The following EFNB3 variants were observed in gnomAD, a reference collection of about 807,000 sequenced individuals.
EFNB3 encodes the protein ephrin B3.
Under a neutral mutation model 29.8 loss-of-function variants are expected in EFNB3, and 14 were observed. That is an observed-to-expected ratio of 0.47 (90% CI 0.31 to 0.73). EFNB3 has a LOEUF of 0.73. Among genes scored for constraint, EFNB3 ranks in the 30% least tolerant of loss-of-function variants. The probability of loss-of-function intolerance (pLI) is 0.05; values close to 1 mark genes in which losing one functional copy is unlikely to be tolerated. For synonymous variants in EFNB3, 216 were observed against 191.6 expected (o/e 1.13, Z -1.05); for missense variants, 408 against 458.0 (o/e 0.89, Z 1.00).
Position 7,708,069 on chromosome 17 carries a change from C to T in EFNB3, c.234C>T (p.Phe78=). Residue 78 remains phenylalanine (F), a synonymous_variant, in exon 2 of 5, where the codon TTC becomes TTT. Transcript: ENST00000226091. The surrounding 1 kb of genome is among the most constrained non-coding windows in gnomAD (Gnocchi z 6.8). The part of the protein sequence containing the change: ...PGPHSSPNYE[F]YKLYLVGGAQ... ...CTCACTCCTCTCCTAATTATGAGTTCTACAAGCTGTACCTGGTAGGGGGTG... is the reference window on the plus strand; with the variant it reads ...CTCACTCCTCTCCTAATTATGAGTTTTACAAGCTGTACCTGGTAGGGGGTG... 6.2e-7 allele frequency: 1 copy of T among 1,614,106 alleles called. No homozygotes were observed.
rs2074338808 is a variant in EFNB3 at position 7,709,111 on chromosome 17, C to T, written c.614-56C>T. 1 of 1,551,384 alleles carries T rather than the reference C, an allele frequency of 6.4e-7. No individual in the cohort carries two copies. The highest frequency in any genetic ancestry group is 1.4e-5 in the African/African-American group (1 of 73,132). On this transcript the variant is annotated intron_variant, in intron 4 of 4. Transcript: ENST00000226091. This position sits in a 1 kb window ranked among gnomAD's most constrained non-coding sequence, Gnocchi z 4.5. ...CCCCCAGGGTTGGGTGTCCAGGTGC[C>T]CAGGTGGCTCCTTCAGTCCCTCCCC...
intron 1 of EFNB3, among the ~76,000 whole-genome samples, chr17:7,706,680 C>A (rs1241614357): frequency 6.6e-6 from 1 of 152,200 alleles, no homozygotes; most frequent in Non-Finnish European, 1.5e-5. Flanking sequence ...TGGTCTTAAT[C>A]CTAGCTCTGC....
chr17:7,709,471 C>A lies in EFNB3; in HGVS notation c.918C>A (p.Pro306=). The A allele has an allele frequency of 2.5e-6, 4 of 1,613,802 alleles. No homozygotes were observed. ...GGGGTGGCGGGGCTGCAGATCCCCC[C>A]TTCTGCCCCCACTATGAGAAGGTGA... ...ALRGGGAADP[P]FCPHYEKVSG... is the part of the protein sequence containing the mutation. Residue 306 remains proline, a synonymous_variant, in exon 5 of 5, where the codon CCC becomes CCA. Transcript: ENST00000226091. This position sits in a 1 kb window ranked among gnomAD's most constrained non-coding sequence, Gnocchi z 4.5.
chr17:7,709,777 C>T lies in EFNB3; in HGVS notation c.*201C>T. ...CCCCACTTCCTGCCCTCCCGTTTGG[C>T]CATGGGTGCCCCCCTCTGTCTCAGT... On this transcript the variant is annotated 3_prime_UTR_variant, in exon 5 of 5. Transcript: ENST00000226091. This position sits in a 1 kb window ranked among gnomAD's most constrained non-coding sequence, Gnocchi z 4.5. 2 of 643,720 alleles carry T rather than the reference C, an allele frequency of 3.1e-6. No individual in the cohort carries two copies. Among genetic ancestry groups the T allele is most frequent in the Admixed American group, 2.7e-5 (1 of 36,994 alleles). The allele number at this position is 643,720 out of a possible 1,614,324, so 39.9% of individuals were successfully genotyped here.
At position 7,709,270 on chromosome 17, in the gene EFNB3, G is replaced by T. The variant is rs776862628; in HGVS notation, c.717G>T (p.Leu239Phe). 5.0e-6 allele frequency: 8 copies of T among 1,584,476 alleles called. No homozygotes were observed. In the African/African-American group the frequency reaches 9.5e-5, roughly 19 times the overall value. The change falls in exon 5 of 5, where the codon TTG becomes TTT. Residue 239 changes from leucine (L) to phenylalanine (F), a missense_variant. By Grantham distance (22) the Leu-to-Phe change is conservative (BLOSUM62 0). Coordinates refer to ENST00000226091, the MANE Select transcript of EFNB3 (RefSeq NM_001406.4). This position sits in a 1 kb window ranked among gnomAD's most constrained non-coding sequence, Gnocchi z 4.5. ...CAGCAGGGGGGCTGGCGCTGCTCTT[G>T]CTGGGCGTGGCAGGGGCTGGGGGTG... ...AGAAGGLALL[L>F]LGVAGAGGAM...
At chr17:7,706,984 A>G (rs1345564653) in intron 1 of EFNB3, among the ~76,000 whole-genome samples, 1 of 152,150 alleles carries the variant, frequency 6.6e-6, no homozygotes, top group Non-Finnish European at 1.5e-5. Context: ...TCAGGTGTGT[A>G]GCTTGAGAAC....
In EFNB3 at chr17:7,708,345, C is replaced by T. The variant is rs2151099455; in HGVS notation, c.416-90C>T. 2 of 1,581,300 alleles carry T rather than the reference C, an allele frequency of 1.3e-6. No homozygotes were observed. The highest frequency in any genetic ancestry group is 1.8e-4 in the Middle Eastern group (1 of 5,702). On this transcript the variant is annotated intron_variant, in intron 2 of 4. Transcript: ENST00000226091. The surrounding 1 kb of genome is among the most constrained non-coding windows in gnomAD (Gnocchi z 6.8). ...TGCAGCCAAGAGGGAGATCCCAGTG[C>T]CCTCAGGCAGTGTTCACACCAGGGT... is the stretch of plus-strand genomic sequence containing the variant.
Position 7,708,302 on chromosome 17 carries a change from G to A in EFNB3, c.415+52G>A. 1.1e-5 allele frequency: 17 copies of A among 1,591,710 alleles called. No individual in the cohort carries two copies. Among genetic ancestry groups the A allele is most frequent in the Non-Finnish European group, 1.5e-5 (17 of 1,168,736 alleles). On this transcript the variant is annotated intron_variant, in intron 2 of 4. Transcript: ENST00000226091. This position sits in a 1 kb window ranked among gnomAD's most constrained non-coding sequence, Gnocchi z 6.8. Reference sequence around the variant, plus strand: ...AGTGGGGGGCTCCTGATACTGAGCAGAGAGGGAGGGGGACCCCTGCAGCCA... The same window carrying A: ...AGTGGGGGGCTCCTGATACTGAGCAAAGAGGGAGGGGGACCCCTGCAGCCA...
Position 7,709,115 on chromosome 17 carries a change from G to T in EFNB3, c.614-52G>T, listed in dbSNP as rs1462513999. 18 of 1,559,314 alleles carry T rather than the reference G, an allele frequency of 1.2e-5. No homozygotes were observed. In the African/African-American group the frequency reaches 1.9e-4, roughly 17 times the overall value. ...CAGGGTTGGGTGTCCAGGTGCCCAG[G>T]TGGCTCCTTCAGTCCCTCCCCCTCT... On this transcript the variant is annotated intron_variant, in intron 4 of 4. Coordinates refer to ENST00000226091, the MANE Select transcript of EFNB3 (RefSeq NM_001406.4). The surrounding 1 kb of genome is among the most constrained non-coding windows in gnomAD (Gnocchi z 4.5).
At position 7,709,770 on chromosome 17, in the gene EFNB3, C is replaced by T. The variant is rs1008143669; in HGVS notation, c.*194C>T. On this transcript the variant is annotated 3_prime_UTR_variant, in exon 5 of 5. Coordinates refer to ENST00000226091, the MANE Select transcript of EFNB3 (RefSeq NM_001406.4). The surrounding 1 kb of genome is among the most constrained non-coding windows in gnomAD (Gnocchi z 4.5). ...CCCACTGCCCCACTTCCTGCCCTCC[C>T]GTTTGGCCATGGGTGCCCCCCTCTG... 7.5e-6 allele frequency: 5 copies of T among 666,658 alleles called. No individual in the cohort carries two copies. The highest frequency in any genetic ancestry group is 2.8e-5 in the East Asian group (1 of 36,020). 41.3% of individuals were successfully genotyped at this position (666,658 alleles called of 1,614,324 possible).
rs1211332016 is a variant in EFNB3 at position 7,705,338 on chromosome 17, C to A, written c.-261C>A. 7.2e-5 allele frequency: 21 copies of A among 292,868 alleles called. No individual in the cohort carries two copies. In the East Asian group the frequency reaches 1.4e-3, roughly 19 times the overall value. The allele number at this position is 292,868 out of a possible 1,614,324, so 18.1% of individuals were successfully genotyped here. On this transcript the variant is annotated 5_prime_UTR_variant, in exon 1 of 5. Transcript: ENST00000226091. The surrounding 1 kb of genome is among the most constrained non-coding windows in gnomAD (Gnocchi z 5.4). ...CGGCTCCCCCAGTCCCCCACTTAGG[C>A]GGGCTCACAGATCCCGGGGTGCTGG...
In EFNB3 at chr17:7,709,671, C is replaced by T. The variant is rs952328044; in HGVS notation, c.*95C>T. ...TGAGGGACACCTCTAACATCTCGGC[C>T]CCCTGTGCCCCCCCAGCCCCTTCAC... is the stretch of plus-strand genomic sequence containing the variant. On this transcript the variant is annotated 3_prime_UTR_variant, in exon 5 of 5. Coordinates refer to ENST00000226091, the MANE Select transcript of EFNB3 (RefSeq NM_001406.4). The surrounding 1 kb of genome is among the most constrained non-coding windows in gnomAD (Gnocchi z 4.5). 31 of 1,297,562 alleles carry T rather than the reference C, an allele frequency of 2.4e-5. No individual in the cohort carries two copies. The highest frequency in any genetic ancestry group is 3.3e-5 in the Non-Finnish European group (30 of 917,448). The allele number at this position is 1,297,562 out of a possible 1,614,324, so 80.4% of individuals were successfully genotyped here. A position where few individuals can be genotyped will look rare whatever the true frequency, so the allele number is the denominator to read the frequency against.
rs2151099712 is a variant in EFNB3 at position 7,709,198 on chromosome 17, T to G, written c.645T>G (p.Gly215=). The change falls in exon 5 of 5, where the codon GGT becomes GGG. Residue 215 remains glycine, a synonymous_variant. Transcript: ENST00000226091. This position sits in a 1 kb window ranked among gnomAD's most constrained non-coding sequence, Gnocchi z 4.5. The part of the protein sequence containing the change: ...GDPTSNATSR[G]AEGPLPPPSM... ...CCACCAGCAATGCAACCTCCCGGGGTGCTGAAGGCCCCCTGCCCCCTCCCA... is the reference window on the plus strand; with the variant it reads ...CCACCAGCAATGCAACCTCCCGGGGGGCTGAAGGCCCCCTGCCCCCTCCCA... 1 of 1,603,654 alleles carries G rather than the reference T, an allele frequency of 6.2e-7. No individual in the cohort carries two copies. Among genetic ancestry groups the G allele is most frequent in the Non-Finnish European group, 8.5e-7 (1 of 1,178,148 alleles).
intron 1 of EFNB3, among the ~76,000 whole-genome samples, chr17:7,706,124 C>T (rs1165050675): frequency 6.7e-6 from 1 of 149,852 alleles, no homozygotes; most frequent in Non-Finnish European, 1.5e-5. Context: ...GGGCAGGGTG[C>T]CTCCCTCCCC....
rs759736097 is a variant in EFNB3 at position 7,705,624 on chromosome 17, G to A, written c.26G>A (p.Gly9Glu). The A allele has an allele frequency of 1.3e-5, 20 of 1,509,270 alleles. No homozygotes were observed. The African/African-American group carries it at 1.9e-4, about 14-fold the overall frequency. 93.5% of individuals were successfully genotyped at this position (1,509,270 alleles called of 1,614,324 possible). The part of the protein sequence containing the change: MGPPHSGP[G>E]GVRVGALLLL... Reference sequence around the variant, plus strand: ...ATGGGGCCCCCCCATTCTGGGCCGGGGGGCGTGCGAGTCGGGGCCCTGCTG... The same window carrying A: ...ATGGGGCCCCCCCATTCTGGGCCGGAGGGCGTGCGAGTCGGGGCCCTGCTG... Residue 9 changes from glycine (G) to glutamate (E), a missense_variant, in exon 1 of 5, where the codon GGG (glycine) becomes GAG (glutamate). Around this residue, in one of 3 missense-constraint regions of EFNB3, gnomAD observed 128 missense variants for 140.8 expected, o/e 0.91. Transcript: ENST00000226091. This position sits in a 1 kb window ranked among gnomAD's most constrained non-coding sequence, Gnocchi z 5.4.
chr17:7,708,636 T>C lies in EFNB3; in HGVS notation c.510T>C (p.Ser170=). Residue 170 remains serine, a splice_region_variant and synonymous_variant, in exon 4 of 5, where the codon AGT becomes AGC. Transcript: ENST00000226091. This position sits in a 1 kb window ranked among gnomAD's most constrained non-coding sequence, Gnocchi z 6.8. ...GMKVLLRVGQ[S]PRGGAVPRKP... is the part of the protein sequence containing the mutation. ...TCTCTGGGTCTTCCTCATCTCCAGG[T>C]CCCCGAGGAGGGGCTGTCCCCCGAA... 6.3e-7 allele frequency: 1 copy of C among 1,578,858 alleles called. No homozygotes were observed. Among genetic ancestry groups the C allele is most frequent in the Non-Finnish European group, 8.6e-7 (1 of 1,161,532 alleles).
rs564541181 is a variant in EFNB3, at chr17:7,710,919, A to G, written c.*1343A>G. 1 of 152,690 alleles carries G rather than the reference A, an allele frequency of 6.5e-6. No individual in the cohort carries two copies. The highest frequency in any genetic ancestry group is 1.5e-5 in the Non-Finnish European group (1 of 68,044). 9.5% of individuals were successfully genotyped at this position (152,690 alleles called of 1,614,324 possible). ...ATGGCTGTCTTGTTCATTCCATCCT[A>G]CATTTCTGACTCCTTTCAGACTCAA... On this transcript the variant is annotated 3_prime_UTR_variant, in exon 5 of 5. Transcript: ENST00000226091.
chr17:7,709,610 C>G lies in EFNB3; in HGVS notation c.*34C>G, dbSNP rs778973387. 12 of 1,613,044 alleles carry G rather than the reference C, an allele frequency of 7.4e-6. No individual in the cohort carries two copies. The South Asian group carries it at 1.2e-4, about 16-fold the overall frequency. Reference sequence around the variant, plus strand: ...CTCACGTGGCTATCCTGAATCCAGCCCTTCTTGGGGTGCTCCTCCAGTTTA... The same window carrying G: ...CTCACGTGGCTATCCTGAATCCAGCGCTTCTTGGGGTGCTCCTCCAGTTTA... On this transcript the variant is annotated 3_prime_UTR_variant, in exon 5 of 5. Coordinates refer to ENST00000226091, the MANE Select transcript of EFNB3 (RefSeq NM_001406.4). This position sits in a 1 kb window ranked among gnomAD's most constrained non-coding sequence, Gnocchi z 4.5.
Position 7,709,135 on chromosome 17 carries a change from C to G in EFNB3, c.614-32C>G. 1 of 1,587,866 alleles carries G rather than the reference C, an allele frequency of 6.3e-7. No homozygotes were observed. Among genetic ancestry groups the G allele is most frequent in the Non-Finnish European group, 8.5e-7 (1 of 1,174,700 alleles). On this transcript the variant is annotated intron_variant, in intron 4 of 4. Transcript: ENST00000226091. The surrounding 1 kb of genome is among the most constrained non-coding windows in gnomAD (Gnocchi z 4.5). ...CCCAGGTGGCTCCTTCAGTCCCTCC[C>G]CCTCTTTCCTCCTTCACCCCTTCCC...
Sources: allele counts gnomAD v4.1 joint callset (sites outside exome capture counted in the v4.1 genomes callset), GRCh38; gene constraint gnomAD v4.1.1; regional missense constraint gnomAD v4.1.1; non-coding constraint Gnocchi (gnomAD v3.1); transcripts MANE v1.5; gene names NCBI Gene and HGNC (gene_info 2026-07-23, HGNC 2026-07-21).